The following REDIC1 variants were observed in gnomAD, a reference collection of about 807,000 sequenced individuals.
The protein encoded by REDIC1 is HEI10 Interacting Protein 1.
the REDIC1 span, among the ~76,000 whole-genome samples, chr12:39,838,591 C>G: frequency 2.0e-5 from 3 of 150,642 alleles, no homozygotes; most frequent in South Asian, 6.4e-4. Flanking sequence ...ACAAAACTGG[C>G]TCTAAAACCT....
the REDIC1 span, among the ~76,000 whole-genome samples, chr12:39,720,347 G>A: frequency 6.6e-6 from 1 of 151,796 alleles, no homozygotes. Flanking sequence ...TTTACTTAAT[G>A]AATCAATAAA....
the REDIC1 span, among the ~76,000 whole-genome samples, chr12:39,835,229 T>G: frequency 6.6e-6 from 1 of 152,176 alleles, no homozygotes; most frequent in African/African-American, 2.4e-5. Context: ...CTTCAAAGTT[T>G]TCTATCTCAA....
chr12:39,897,511 G>A, the REDIC1 span, among the ~76,000 whole-genome samples: 20 of 152,150 alleles, frequency 1.3e-4, no homozygotes, highest in African/African-American at 4.6e-4. Flanking sequence ...TAATTCAAAG[G>A]TTAGGCACCA....
At chr12:39,699,759 A>C in the REDIC1 span, among the ~76,000 whole-genome samples, 1 of 152,212 alleles carries the variant, frequency 6.6e-6, no homozygotes, top group South Asian at 2.1e-4. Flanking sequence ...AACAGGCAGA[A>C]TGCCTCCTCA....
At chr12:39,655,666 T>G in the REDIC1 span, among the ~76,000 whole-genome samples, 1 of 152,220 alleles carries the variant, frequency 6.6e-6, no homozygotes, top group Non-Finnish European at 1.5e-5. Context: ...GGTTTGCCAC[T>G]GAAAATATGA....
At chr12:39,895,767 C>CAT in the REDIC1 span, among the ~76,000 whole-genome samples, 511 of 10,330 alleles carry the variant, frequency 0.049, 94 homozygotes, top group Non-Finnish European at 0.084. Flanking sequence ...TACGTACACA[C>CAT]ATGTATATGC....
the REDIC1 span, among the ~76,000 whole-genome samples, chr12:39,746,516 C>A: frequency 5.3e-5 from 8 of 152,192 alleles, no homozygotes; most frequent in Non-Finnish European, 1.2e-4. Context: ...CATAGCCGAA[C>A]AGAAGGCAGC....
the REDIC1 span, among the ~76,000 whole-genome samples, chr12:39,751,239 G>C: frequency 6.6e-6 from 1 of 152,100 alleles, no homozygotes; most frequent in African/African-American, 2.4e-5. Context: ...CCATCAAAAA[G>C]GATATGAACA....
the REDIC1 span, among the ~76,000 whole-genome samples, chr12:39,810,457 T>A: frequency 2.0e-5 from 3 of 152,288 alleles, no homozygotes; most frequent in African/African-American, 7.2e-5. Flanking sequence ...ATATATTCCT[T>A]TCCAAACTGT....
chr12:39,895,936 A>G, the REDIC1 span, among the ~76,000 whole-genome samples: 4 of 150,174 alleles, frequency 2.7e-5, no homozygotes, highest in African/African-American at 9.8e-5. Context: ...GTATATGTGT[A>G]TATATACATG....
the REDIC1 span, among the ~76,000 whole-genome samples, chr12:39,864,204 T>C: frequency 6.6e-6 from 1 of 152,242 alleles, no homozygotes; most frequent in Non-Finnish European, 1.5e-5. Flanking sequence ...TTTAATGAGC[T>C]CTTAGGCCTG....
the REDIC1 span, among the ~76,000 whole-genome samples, chr12:39,733,437 T>G: frequency 6.6e-6 from 1 of 152,192 alleles, no homozygotes; most frequent in Non-Finnish European, 1.5e-5. Flanking sequence ...CTTTGATATC[T>G]TCAACGTTTG....
chr12:39,809,918 T>C, the REDIC1 span, among the ~76,000 whole-genome samples: 2 of 152,190 alleles, frequency 1.3e-5, no homozygotes, highest in Non-Finnish European at 2.9e-5. Flanking sequence ...TGTTGGACAT[T>C]TGGGTTGGTT....
At chr12:39,812,996 AT>A in the REDIC1 span, among the ~76,000 whole-genome samples, 20 of 40,614 alleles carry the variant, frequency 4.9e-4, 1 homozygote, top group East Asian at 4.0e-3. Flanking sequence ...TGCCCAGCTA[AT>A]TTTTTTTTTT....
At chr12:39,895,121 A>C in the REDIC1 span, among the ~76,000 whole-genome samples, 3 of 152,082 alleles carry the variant, frequency 2.0e-5, no homozygotes, top group Admixed American at 6.6e-5. Flanking sequence ...GTCCCACCTC[A>C]GCCTCCCAAG....
the REDIC1 span, among the ~76,000 whole-genome samples, chr12:39,767,132 G>T: frequency 6.6e-6 from 1 of 152,002 alleles, no homozygotes; most frequent in Non-Finnish European, 1.5e-5. Flanking sequence ...CTTATGAAAT[G>T]CATTTTTTAA....
chr12:39,806,226 A>T, the REDIC1 span, among the ~76,000 whole-genome samples: 9 of 152,178 alleles, frequency 5.9e-5, no homozygotes, highest in Non-Finnish European at 1.3e-4. Flanking sequence ...CTTGCCTGGA[A>T]CCTCTAATGC....
the REDIC1 span, among the ~76,000 whole-genome samples, chr12:39,856,261 T>TCATC: frequency 2.0e-5 from 3 of 151,980 alleles, no homozygotes; most frequent in Admixed American, 2.0e-4. Context: ...ATCCATCCAT[T>TCATC]CATCCATCCA....
chr12:39,711,708 C>CGTGTGT, the REDIC1 span, among the ~76,000 whole-genome samples: 2,282 of 16,346 alleles, frequency 0.14, 143 homozygotes, highest in African/African-American at 0.21. Context: ...TGTGTATACA[C>CGTGTGT]ATGCATGTGT....
Sources: allele counts gnomAD v4.1 joint callset (sites outside exome capture counted in the v4.1 genomes callset), GRCh38; gene constraint gnomAD v4.1.1; transcripts MANE v1.5; gene names NCBI Gene and HGNC (gene_info 2026-07-23, HGNC 2026-07-21).